OR5T2: variants seen among roughly 807,000 people sequenced by gnomAD.
OR5T2 encodes the protein olfactory receptor family 5 subfamily T member 2.
Under a neutral mutation model 13.7 loss-of-function variants are expected in OR5T2, and 12 were observed. The ratio of observed to expected loss-of-function variants is 0.88; its 90% CI spans 0.56 to 1.42. The LOEUF (loss-of-function observed/expected upper bound fraction) is 1.42. Ranked by LOEUF, OR5T2 falls within the 40% of genes most tolerant of loss-of-function variation. OR5T2 has a pLI of 0.00. For synonymous variants in OR5T2, 146 were observed against 139.5 expected, an observed-to-expected ratio of 1.05 and a Z score of -0.33; for missense variants, 475 against 372.0, an observed-to-expected ratio of 1.28 and a Z score of -2.28.
chr11:56,232,277 G>A lies in OR5T2; in HGVS notation c.786C>T (p.Ser262=). ...TCATGTCATGGTCCGAAGCATAGCT[G>A]GAACTTGGTCTCACATACATGAAGA... ...TILFMYVRPS[S]SYASDHDMIV... The change falls in exon 2 of 2, where the codon TCC becomes TCT. Residue 262 remains serine (S), a synonymous_variant. Transcript: ENST00000641661. 1 of 1,612,404 alleles carries A rather than the reference G, an allele frequency of 6.2e-7. No homozygotes were observed.
In OR5T2 at chr11:56,232,685, G is replaced by A. The variant is rs550555415; in HGVS notation, c.378C>T (p.Asn126=). The change falls in exon 2 of 2, where the codon AAC becomes AAT. Residue 126 remains asparagine, a synonymous_variant. Transcript: ENST00000641661. ...ACATGCTCACTGAATACAGGAGAGGGTTGTAGATGGCTACATAGCGATCAT... is the reference window on the plus strand; with the variant it reads ...ACATGCTCACTGAATACAGGAGAGGATTGTAGATGGCTACATAGCGATCAT... ...MAYDRYVAIY[N]PLLYSVSMSP... is the part of the protein sequence containing the mutation. 1.2e-6 allele frequency: 2 copies of A among 1,614,168 alleles called. No individual in the cohort carries two copies. Among genetic ancestry groups the A allele is most frequent in the Non-Finnish European group, 1.7e-6 (2 of 1,180,014 alleles).
chr11:56,234,049 T>G (rs1853334714), intron 1 of OR5T2, 128 bp downstream of exon 1: 1 of 152,072 alleles, frequency 6.6e-6, no homozygotes, highest in Non-Finnish European at 1.5e-5. Flanking sequence ...TCTATTTTTA[T>G]GAAACAAATT....
Position 56,232,789 on chromosome 11 carries a change from A to C in OR5T2, c.274T>G (p.Phe92Val). 1 of 1,614,072 alleles carries C rather than the reference A, an allele frequency of 6.2e-7. No homozygotes were observed. The highest frequency in any genetic ancestry group is 8.5e-7 in the Non-Finnish European group (1 of 1,179,966). ...DFTTKNKVISFLGCVAQVFLA... is the reference protein window; with the variant it reads ...DFTTKNKVISVLGCVAQVFLA... The stretch of plus-strand genomic sequence containing the variant: ...AACACCTGTGCTACACATCCAAGGA[A>C]TGAAATGACTTTATTCTTTGTCGTA... The change falls in exon 2 of 2, where the codon TTC (phenylalanine) becomes GTC (valine). Residue 92 changes from phenylalanine to valine, a missense_variant. Physicochemically the swap from Phe to Val is conservative, Grantham distance 50 (BLOSUM62 -1). Coordinates refer to ENST00000641661, the MANE Select transcript of OR5T2 (RefSeq NM_001004746.4).
rs1239817790 is a variant in OR5T2 at position 56,232,618 on chromosome 11, C to A, written c.445G>T (p.Ala149Ser). ...YMPLINASYV[A>S]GILHATIHTV... ...TGTATAGTAGCATGTAAAATGCCAG[C>A]AACATAGGAAGCATTGATGAGTGGC... Residue 149 changes from alanine to serine, a missense_variant, in exon 2 of 2, where the codon GCT becomes TCT. By Grantham distance (99) the Ala-to-Ser change is moderately conservative (BLOSUM62 1). Transcript: ENST00000641661. 6.2e-7 allele frequency: 1 copy of A among 1,614,048 alleles called. No individual in the cohort carries two copies. Among genetic ancestry groups the A allele is most frequent in the Non-Finnish European group, 8.5e-7 (1 of 1,179,968 alleles).
Position 56,232,602 on chromosome 11 carries a change from G to A in OR5T2, c.461C>T (p.Ala154Val), listed in dbSNP as rs1853303623. ...NASYVAGILH[A>V]TIHTVATFSL... ...AAATGTAGCCACTGTATGTATAGTA[G>A]CATGTAAAATGCCAGCAACATAGGA... is the stretch of plus-strand genomic sequence containing the variant. Residue 154 changes from alanine to valine, a missense_variant, in exon 2 of 2, where the codon GCT becomes GTT. Physicochemically the swap from Ala to Val is moderately conservative, Grantham distance 64. Coordinates refer to ENST00000641661, the MANE Select transcript of OR5T2 (RefSeq NM_001004746.4). The A allele has an allele frequency of 6.2e-7, 1 of 1,613,978 alleles. No homozygotes were observed. Among genetic ancestry groups the A allele is most frequent in the African/African-American group, 1.3e-5 (1 of 74,928 alleles).
chr11:56,232,273 A>G lies in OR5T2; in HGVS notation c.790T>C (p.Tyr264His). 1 of 1,612,830 alleles carries G rather than the reference A, an allele frequency of 6.2e-7. No individual in the cohort carries two copies. Among genetic ancestry groups the G allele is most frequent in the Non-Finnish European group, 8.5e-7 (1 of 1,179,310 alleles). Residue 264 changes from tyrosine (Y) to histidine (H), a missense_variant, in exon 2 of 2, where the codon TAT becomes CAT. Physicochemically the swap from Tyr to His is moderately conservative, Grantham distance 83 (BLOSUM62 2). Transcript: ENST00000641661. The stretch of plus-strand genomic sequence containing the variant: ...ACTATCATGTCATGGTCCGAAGCAT[A>G]GCTGGAACTTGGTCTCACATACATG... ...LFMYVRPSSS[Y>H]ASDHDMIVSI...
rs377470328 is a variant in OR5T2 at position 56,232,242 on chromosome 11, A to T, written c.821T>A (p.Ile274Lys). The change falls in exon 2 of 2, where the codon ATA (isoleucine) becomes AAA (lysine). Residue 274 changes from isoleucine to lysine, a missense_variant. Physicochemically the swap from Ile to Lys is moderately radical, Grantham distance 102. Transcript: ENST00000641661. ...YASDHDMIVSIFYTIVIPLLN... is the reference protein window; with the variant it reads ...YASDHDMIVSKFYTIVIPLLN... ...CAAGGGAATCACAATGGTGTAAAAT[A>T]TTGACACTATCATGTCATGGTCCGA... The T allele has an allele frequency of 1.7e-5, 28 of 1,613,498 alleles. No individual in the cohort carries two copies. The African/African-American group carries it at 2.1e-4, about 12-fold the overall frequency.
chr11:56,231,949 C>T lies in OR5T2; in HGVS notation c.*157G>A. On this transcript the variant is annotated 3_prime_UTR_variant, in exon 2 of 2. Transcript: ENST00000641661. ...GGCAGGAGAAGGTAAAAGGCCTGCC[C>T]CTGAGGTATAACACCCAACATTATA... is the stretch of plus-strand genomic sequence containing the variant. The T allele has an allele frequency of 3.5e-6, 2 of 568,154 alleles. No homozygotes were observed. Among genetic ancestry groups the T allele is most frequent in the Non-Finnish European group, 5.7e-6 (2 of 349,304 alleles). The allele number at this position is 568,154 out of a possible 1,614,324, so 35.2% of individuals were successfully genotyped here. A position where few individuals can be genotyped will look rare whatever the true frequency, so the allele number is the denominator to read the frequency against.
At position 56,232,683 on chromosome 11, in the gene OR5T2, G is replaced by A. The variant is rs1196434087; in HGVS notation, c.380C>T (p.Pro127Leu). The A allele has an allele frequency of 3.7e-6, 6 of 1,614,122 alleles. No individual in the cohort carries two copies. The highest frequency in any genetic ancestry group is 2.2e-5 in the East Asian group (1 of 44,878). The change falls in exon 2 of 2, where the codon CCT becomes CTT. Residue 127 changes from proline to leucine, a missense_variant. Pro to Leu is a moderately conservative substitution (Grantham distance 98). Coordinates refer to ENST00000641661, the MANE Select transcript of OR5T2 (RefSeq NM_001004746.4). ...TGACATGCTCACTGAATACAGGAGA[G>A]GGTTGTAGATGGCTACATAGCGATC... ...AYDRYVAIYN[P>L]LLYSVSMSPR...
Position 56,233,212 on chromosome 11 carries a change from T to C in OR5T2, c.-150A>G, listed in dbSNP as rs769745996. On this transcript the variant is annotated 5_prime_UTR_variant, in exon 2 of 2. Transcript: ENST00000641661. ...TATTCAGCAGTGCATAATTCTCTAGTAGTGAATCAGAAGACAGTGACAAAC... is the reference window on the plus strand; with the variant it reads ...TATTCAGCAGTGCATAATTCTCTAGCAGTGAATCAGAAGACAGTGACAAAC... The C allele has an allele frequency of 2.7e-6, 4 of 1,461,788 alleles. No individual in the cohort carries two copies. Among genetic ancestry groups the C allele is most frequent in the Admixed American group, 5.0e-5 (2 of 40,398 alleles). 90.6% of individuals were successfully genotyped at this position (1,461,788 alleles called of 1,614,324 possible).
rs1012563691 is a variant in OR5T2 at position 56,232,468 on chromosome 11, A to G, written c.595T>C (p.Tyr199His). The G allele has an allele frequency of 3.7e-6, 6 of 1,606,166 alleles. No individual in the cohort carries two copies. The African/African-American group carries it at 6.7e-5, about 18-fold the overall frequency. Residue 199 changes from tyrosine to histidine, a missense_variant, in exon 2 of 2, where the codon TAC becomes CAC. Transcript: ENST00000641661. ...ACCAGCTCGATAGAGCCCACAAAGT[A>G]GAAGAGTAGAAGCTGGTTTGTGTGA... is the stretch of plus-strand genomic sequence containing the variant. Reference protein sequence around the residue: ...DTHTNQLLLFYFVGSIELVTI... With the variant: ...DTHTNQLLLFHFVGSIELVTI...
intron 1 of OR5T2, among the ~76,000 whole-genome samples, chr11:56,233,722 A>G (rs1468851300): frequency 6.6e-6 from 1 of 152,096 alleles, no homozygotes; most frequent in Non-Finnish European, 1.5e-5. Context: ...TGCTCATTCA[A>G]ATGTCTCTGA....
Position 56,232,680 on chromosome 11 carries a change from A to G in OR5T2, c.383T>C (p.Leu128Pro), listed in dbSNP as rs1457036204. The change falls in exon 2 of 2, where the codon CTC becomes CCC. Residue 128 changes from leucine to proline, a missense_variant. Transcript: ENST00000641661. Reference sequence around the variant, plus strand: ...GGGTGACATGCTCACTGAATACAGGAGAGGGTTGTAGATGGCTACATAGCG... The same window carrying G: ...GGGTGACATGCTCACTGAATACAGGGGAGGGTTGTAGATGGCTACATAGCG... Reference protein sequence around the residue: ...YDRYVAIYNPLLYSVSMSPRV... With the variant: ...YDRYVAIYNPPLYSVSMSPRV... 1.9e-6 allele frequency: 3 copies of G among 1,614,180 alleles called. No individual in the cohort carries two copies. Among genetic ancestry groups the G allele is most frequent in the Non-Finnish European group, 2.5e-6 (3 of 1,180,016 alleles).
At position 56,231,550 on chromosome 11, in the gene OR5T2, T is replaced by A. The variant is rs1853278566; in HGVS notation, c.*556A>T. ...GAAACTTTGACCAACCTGCTTCAAGTTGGATCTCCCATGACCCCCTCTTTG... is the reference window on the plus strand; with the variant it reads ...GAAACTTTGACCAACCTGCTTCAAGATGGATCTCCCATGACCCCCTCTTTG... On this transcript the variant is annotated 3_prime_UTR_variant, in exon 2 of 2. Coordinates refer to ENST00000641661, the MANE Select transcript of OR5T2 (RefSeq NM_001004746.4). The A allele has an allele frequency of 6.6e-6, 1 of 152,210 alleles. No homozygotes were observed. Among genetic ancestry groups the A allele is most frequent in the Non-Finnish European group, 1.5e-5 (1 of 68,062 alleles). 9.4% of individuals were successfully genotyped at this position (152,210 alleles called of 1,614,324 possible). A position where few individuals can be genotyped will look rare whatever the true frequency, so the allele number is the denominator to read the frequency against.
rs142863951 is a variant in OR5T2, at chr11:56,232,678, G to A, written c.385C>T (p.Leu129=). 16 of 1,614,066 alleles carry A rather than the reference G, an allele frequency of 9.9e-6. No homozygotes were observed. The African/African-American group carries it at 1.5e-4, about 15-fold the overall frequency. ...CTGGGTGACATGCTCACTGAATACA[G>A]GAGAGGGTTGTAGATGGCTACATAG... is the stretch of plus-strand genomic sequence containing the variant. ...DRYVAIYNPL[L]YSVSMSPRVY... Residue 129 remains leucine, a synonymous_variant, in exon 2 of 2, where the codon CTG becomes TTG. Transcript: ENST00000641661.
rs1200072553 is a variant in OR5T2, at chr11:56,233,229, G to T, written c.-167C>A. On this transcript the variant is annotated 5_prime_UTR_variant, in exon 2 of 2. It adds an upstream start codon to the 5' untranslated region. Transcript: ENST00000641661. Reference sequence around the variant, plus strand: ...TTCTCTAGTAGTGAATCAGAAGACAGTGACAAACTGGTCAGCCATGTGTTC... The same window carrying T: ...TTCTCTAGTAGTGAATCAGAAGACATTGACAAACTGGTCAGCCATGTGTTC... The T allele has an allele frequency of 2.8e-6, 4 of 1,444,522 alleles. No homozygotes were observed. Among genetic ancestry groups the T allele is most frequent in the Non-Finnish European group, 2.7e-6 (3 of 1,094,940 alleles). The allele number at this position is 1,444,522 out of a possible 1,614,324, so 89.5% of individuals were successfully genotyped here.
chr11:56,231,843 G>T lies in OR5T2; in HGVS notation c.*263C>A. The T allele has an allele frequency of 3.4e-6, 1 of 295,212 alleles. No individual in the cohort carries two copies. Among genetic ancestry groups the T allele is most frequent in the Non-Finnish European group, 6.2e-6 (1 of 162,456 alleles). 18.3% of individuals were successfully genotyped at this position (295,212 alleles called of 1,614,324 possible). A position where few individuals can be genotyped will look rare whatever the true frequency, so the allele number is the denominator to read the frequency against. ...ATTCCCTCCCCGAAGGTATAGGGTGGGACTCTCTCATGGGAGAGTCTTAAG... is the reference window on the plus strand; with the variant it reads ...ATTCCCTCCCCGAAGGTATAGGGTGTGACTCTCTCATGGGAGAGTCTTAAG... On this transcript the variant is annotated 3_prime_UTR_variant, in exon 2 of 2. Transcript: ENST00000641661.
At chr11:56,233,775 C>A (rs952132119) in intron 1 of OR5T2, among the ~76,000 whole-genome samples, 1 of 151,792 alleles carries the variant, frequency 6.6e-6, no homozygotes, top group African/African-American at 2.4e-5. Context: ...ATTACTTGAT[C>A]ATTTTATGCC....
chr11:56,231,862 T>C lies in OR5T2; in HGVS notation c.*244A>G. 1 of 351,696 alleles carries C rather than the reference T, an allele frequency of 2.8e-6. No individual in the cohort carries two copies. Among genetic ancestry groups the C allele is most frequent in the Admixed American group, 4.5e-5 (1 of 22,328 alleles). 21.8% of individuals were successfully genotyped at this position (351,696 alleles called of 1,614,324 possible). A position where few individuals can be genotyped will look rare whatever the true frequency, so the allele number is the denominator to read the frequency against. On this transcript the variant is annotated 3_prime_UTR_variant, in exon 2 of 2. Coordinates refer to ENST00000641661, the MANE Select transcript of OR5T2 (RefSeq NM_001004746.4). ...AGGGTGGGACTCTCTCATGGGAGAGTCTTAAGATTCACAATCAGTAAGGCA... is the reference window on the plus strand; with the variant it reads ...AGGGTGGGACTCTCTCATGGGAGAGCCTTAAGATTCACAATCAGTAAGGCA...
Sources: allele counts gnomAD v4.1 joint callset (sites outside exome capture counted in the v4.1 genomes callset), GRCh38; gene constraint gnomAD v4.1.1; transcripts MANE v1.5; gene names NCBI Gene and HGNC (gene_info 2026-07-23, HGNC 2026-07-21).